EDDM3A: variants seen among roughly 807,000 people sequenced by gnomAD.
EDDM3A encodes epididymal secretory protein E3-alpha.
For synonymous variants in EDDM3A, 75 were observed against 60.4 expected (o/e 1.24, Z -1.12); for missense variants, 199 against 177.4 (o/e 1.12, Z -0.69).
At chr14:20,737,701 C>T in the EDDM3A span, among the ~76,000 whole-genome samples, 1 of 152,116 alleles carries the variant, frequency 6.6e-6, no homozygotes, top group Non-Finnish European at 1.5e-5. Context: ...CTTTAAAATA[C>T]AATGGTCCTC....
At position 20,748,093 on chromosome 14, in the gene EDDM3A, A is replaced by T. The variant is rs1877664574; in HGVS notation, c.*69A>T. ...TTCCAAAGTGGTGGGCCCTGCCTCC[A>T]TCAATAGCCCCTGCCACTCCCCGCT... On this transcript the variant is annotated 3_prime_UTR_variant, in exon 2 of 2. Transcript: ENST00000326842. 1 of 1,179,614 alleles carries T rather than the reference A, an allele frequency of 8.5e-7. No individual in the cohort carries two copies. The allele number at this position is 1,179,614 out of a possible 1,614,324, so 73.1% of individuals were successfully genotyped here.
rs1484874883 is a variant in EDDM3A at position 20,748,247 on chromosome 14, C to A, written c.*223C>A. The A allele has an allele frequency of 4.4e-6, 2 of 457,964 alleles. No homozygotes were observed. The highest frequency in any genetic ancestry group is 2.0e-5 in the African/African-American group (1 of 50,234). The allele number at this position is 457,964 out of a possible 1,614,324, so 28.4% of individuals were successfully genotyped here. A position where few individuals can be genotyped will look rare whatever the true frequency, so the allele number is the denominator to read the frequency against. On this transcript the variant is annotated 3_prime_UTR_variant, in exon 2 of 2. Transcript: ENST00000326842. ...TCCTAATTTGCCTAATTTACACCCA[C>A]ATTTTTTCCAAGATTCAGCTCATAT...
the EDDM3A span, among the ~76,000 whole-genome samples, chr14:20,738,240 G>A: frequency 3.3e-5 from 5 of 152,152 alleles, no homozygotes; most frequent in Non-Finnish European, 5.9e-5. Flanking sequence ...TTGGGAGGCC[G>A]AAGCAGGCGG....
In EDDM3A at chr14:20,747,987, T is replaced by G; in HGVS notation, c.407T>G (p.Ile136Arg). 1 of 1,611,576 alleles carries G rather than the reference T, an allele frequency of 6.2e-7. No individual in the cohort carries two copies. The highest frequency in any genetic ancestry group is 8.5e-7 in the Non-Finnish European group (1 of 1,178,898). The stretch of plus-strand genomic sequence containing the variant: ...GGCGTAGATGGATATGTTGATAACA[T>G]AGAAGACCTGAGGATTATAGAACCT... ...HCGVDGYVDN[I>R]EDLRIIEPIS... The change falls in exon 2 of 2, where the codon ATA becomes AGA. Residue 136 changes from isoleucine to arginine, a missense_variant. Physicochemically the swap from Ile to Arg is moderately conservative, Grantham distance 97 (BLOSUM62 -3). Transcript: ENST00000326842.
At chr14:20,737,990 CA>C in the EDDM3A span, among the ~76,000 whole-genome samples, 1 of 152,166 alleles carries the variant, frequency 6.6e-6, no homozygotes, top group Admixed American at 6.5e-5. Flanking sequence ...ACCAAAGTAT[CA>C]ACATTATTTA....
chr14:20,747,102 C>CTTTTTTT (rs71112518), intron 1 of EDDM3A, among the ~76,000 whole-genome samples: 1 of 122,142 alleles, frequency 8.2e-6, no homozygotes, highest in Non-Finnish European at 1.7e-5. Flanking sequence ...AAACTGTATT[C>CTTTTTTT]TTTTTTTTTT....
In EDDM3A at chr14:20,747,877, C is replaced by T; in HGVS notation, c.297C>T (p.Ala99=). The T allele has an allele frequency of 6.2e-7, 1 of 1,614,108 alleles. No individual in the cohort carries two copies. The highest frequency in any genetic ancestry group is 8.5e-7 in the Non-Finnish European group (1 of 1,180,030). Reference sequence around the variant, plus strand: ...ATGCATATGTATGGGCCCCAGGTGCCCTCAAAGTACTCGAGTGTCACTGGG... The same window carrying T: ...ATGCATATGTATGGGCCCCAGGTGCTCTCAAAGTACTCGAGTGTCACTGGG... ...YRNAYVWAPG[A]LKVLECHWEK... Residue 99 remains alanine (A), a synonymous_variant, in exon 2 of 2, where the codon GCC becomes GCT. Transcript: ENST00000326842.
At chr14:20,744,852 C>T (rs1456974545), upstream of EDDM3A, among the ~76,000 whole-genome samples, 1 of 152,182 alleles carries the variant, frequency 6.6e-6, no homozygotes, top group Admixed American at 6.5e-5. Context: ...CCTAATCATT[C>T]ATAGCTATTT....
At chr14:20,746,959 T>C (rs1877608148) in intron 1 of EDDM3A, among the ~76,000 whole-genome samples, 1 of 152,204 alleles carries the variant, frequency 6.6e-6, no homozygotes, top group African/African-American at 2.4e-5. Flanking sequence ...GAGAGCTCGA[T>C]AGTGATTGGC....
upstream of EDDM3A, among the ~76,000 whole-genome samples, chr14:20,742,287 C>G (rs1877457926): frequency 6.6e-6 from 1 of 152,236 alleles, no homozygotes; most frequent in Non-Finnish European, 1.5e-5. Flanking sequence ...GGGAACCACA[C>G]TGCTGAGTCT....
At chr14:20,741,067 G>A (rs1046781590), upstream of EDDM3A, among the ~76,000 whole-genome samples, 1 of 152,112 alleles carries the variant, frequency 6.6e-6, no homozygotes, top group African/African-American at 2.4e-5. Flanking sequence ...TGGAAAATTT[G>A]TTCTCTTCTA....
chr14:20,737,381 G>A, the EDDM3A span, among the ~76,000 whole-genome samples: 6 of 152,074 alleles, frequency 3.9e-5, no homozygotes, highest in African/African-American at 1.2e-4. Context: ...TAGAGGTGCC[G>A]GAGAGTGAAC....
At position 20,748,243 on chromosome 14, in the gene EDDM3A, C is replaced by A; in HGVS notation, c.*219C>A. 1 of 467,884 alleles carries A rather than the reference C, an allele frequency of 2.1e-6. No homozygotes were observed. The highest frequency in any genetic ancestry group is 3.9e-6 in the Non-Finnish European group (1 of 258,196). The allele number at this position is 467,884 out of a possible 1,614,324, so 29.0% of individuals were successfully genotyped here. A position where few individuals can be genotyped will look rare whatever the true frequency, so the allele number is the denominator to read the frequency against. On this transcript the variant is annotated 3_prime_UTR_variant, in exon 2 of 2. Transcript: ENST00000326842. ...TTTGTCCTAATTTGCCTAATTTACA[C>A]CCACATTTTTTCCAAGATTCAGCTC...
Position 20,747,563 on chromosome 14 carries a change from G to C in EDDM3A, c.-18G>C. The C allele has an allele frequency of 6.3e-7, 1 of 1,574,898 alleles. No individual in the cohort carries two copies. The highest frequency in any genetic ancestry group is 8.6e-7 in the Non-Finnish European group (1 of 1,159,380). The stretch of plus-strand genomic sequence containing the variant: ...CTTTCTCTTCCCTGTAGACACGCAG[G>C]TGGACGTGGTGACTGAGATGACATC... On this transcript the variant is annotated 5_prime_UTR_variant, in exon 2 of 2. Coordinates refer to ENST00000326842, the MANE Select transcript of EDDM3A (RefSeq NM_006683.5).
chr14:20,741,638 C>T (rs946376514), upstream of EDDM3A, among the ~76,000 whole-genome samples: 1 of 152,112 alleles, frequency 6.6e-6, no homozygotes, highest in Non-Finnish European at 1.5e-5. Flanking sequence ...CTGACCAAAC[C>T]ACAAAGGGGC....
the EDDM3A span, among the ~76,000 whole-genome samples, chr14:20,739,741 C>A: frequency 6.6e-6 from 1 of 152,154 alleles, no homozygotes; most frequent in South Asian, 2.1e-4. Flanking sequence ...ATTAACAGCT[C>A]ATCAAAGCAG....
Position 20,747,796 on chromosome 14 carries a change from A to G in EDDM3A, c.216A>G (p.Leu72=). 1 of 1,614,186 alleles carries G rather than the reference A, an allele frequency of 6.2e-7. No homozygotes were observed. The highest frequency in any genetic ancestry group is 8.5e-7 in the Non-Finnish European group (1 of 1,180,030). Residue 72 remains leucine (L), a synonymous_variant, in exon 2 of 2, where the codon TTA becomes TTG. Coordinates refer to ENST00000326842, the MANE Select transcript of EDDM3A (RefSeq NM_006683.5). The part of the protein sequence containing the change: ...GKSFHMFIYS[L]WFKIQRACIN... ...GCTTTCATATGTTCATCTATAGCTT[A>G]TGGTTCAAAATTCAGCGTGCATGCA...
chr14:20,736,702 T>C, the EDDM3A span, among the ~76,000 whole-genome samples: 1 of 152,122 alleles, frequency 6.6e-6, no homozygotes, highest in Non-Finnish European at 1.5e-5. Flanking sequence ...TGGGGATTTC[T>C]TTTATTTTTT....
At chr14:20,746,911 A>G (rs8181973) in intron 1 of EDDM3A, among the ~76,000 whole-genome samples, 15,132 of 152,126 alleles carry the variant, frequency 0.099, 819 homozygotes, top group South Asian at 0.18. Context: ...TCATTTTTCT[A>G]TTGGACACAT....
Sources: allele counts gnomAD v4.1 joint callset (sites outside exome capture counted in the v4.1 genomes callset), GRCh38; gene constraint gnomAD v4.1.1; transcripts MANE v1.5; gene names NCBI Gene and HGNC (gene_info 2026-07-23, HGNC 2026-07-21).